The following DOCK4 variants were observed in gnomAD, a reference collection of about 807,000 sequenced individuals.
The protein encoded by DOCK4 is dedicator of cytokinesis 4, also known as dedicator of cytokinesis protein 4.
DOCK4 carries 97 observed loss-of-function variants against 268.1 expected under a neutral mutation model. That is an observed-to-expected ratio of 0.36 (90% CI 0.31 to 0.43). DOCK4 has a LOEUF of 0.43. Ranked by LOEUF, DOCK4 falls within the 20% of genes least tolerant of loss-of-function variation. The pLI is 1.00. For synonymous variants in DOCK4, 954 were observed against 887.2 expected, an observed-to-expected ratio of 1.08 and a Z score of -1.34; for missense variants, 2,145 against 2,455.7, an observed-to-expected ratio of 0.87 and a Z score of 2.67.
intron 1 of DOCK4, among the ~76,000 whole-genome samples, chr7:112,017,736 A>T (rs544249207): frequency 1.1e-3 from 170 of 152,258 alleles, no homozygotes; most frequent in Non-Finnish European, 2.2e-3. Flanking sequence ...CCAATCTCTC[A>T]ACCACACCCT....
At chr7:111,974,305 T>C (rs1797962397) in intron 8 of DOCK4, among the ~76,000 whole-genome samples, 2 of 152,132 alleles carry the variant, frequency 1.3e-5, no homozygotes, top group East Asian at 1.9e-4. Flanking sequence ...AATCTGAGGC[T>C]GTTCCAAACA....
intron 1 of DOCK4, among the ~76,000 whole-genome samples, chr7:112,033,011 T>A (rs531104655): frequency 6.6e-6 from 1 of 152,330 alleles, no homozygotes; most frequent in African/African-American, 2.4e-5. Flanking sequence ...ACTTCTGACT[T>A]CAATCACTAA....
intron 1 of DOCK4, among the ~76,000 whole-genome samples, chr7:112,089,475 C>T (rs922842853): frequency 6.6e-6 from 1 of 152,126 alleles, no homozygotes; most frequent in African/African-American, 2.4e-5. Context: ...AATGACCTTT[C>T]AAGGATATAC....
intron 1 of DOCK4, among the ~76,000 whole-genome samples, chr7:112,060,192 A>G (rs1806269088): frequency 6.6e-6 from 1 of 152,214 alleles, no homozygotes; most frequent in African/African-American, 2.4e-5. Flanking sequence ...TTAAAGGTCA[A>G]AAGCAAAATC....
chr7:111,881,548 T>C (rs562875333), intron 16 of DOCK4, among the ~76,000 whole-genome samples: 1 of 152,286 alleles, frequency 6.6e-6, no homozygotes, highest in African/African-American at 2.4e-5. Flanking sequence ...AGAGCTACCA[T>C]GTGATTTGGC....
At position 111,767,043 on chromosome 7, in the gene DOCK4, T is replaced by C; in HGVS notation, c.3904A>G (p.Ser1302Gly). 1 of 1,613,652 alleles carries C rather than the reference T, an allele frequency of 6.2e-7. No homozygotes were observed. The highest frequency in any genetic ancestry group is 8.5e-7 in the Non-Finnish European group (1 of 1,179,670). Reference protein sequence around the residue: ...YESYYDYRNLSKMRMMEASLY... With the variant: ...YESYYDYRNLGKMRMMEASLY... Reference sequence around the variant, plus strand: ...TCCAGGCACCTTACCCGCATCTTGCTCAGGTTTCTGTAGTCATAATAACTC... The same window carrying C: ...TCCAGGCACCTTACCCGCATCTTGCCCAGGTTTCTGTAGTCATAATAACTC... Residue 1302 changes from serine to glycine, a missense_variant, in exon 38 of 53, where the codon AGC (serine) becomes GGC (glycine). Physicochemically the swap from Ser to Gly is moderately conservative, Grantham distance 56 (BLOSUM62 0). Transcript: ENST00000428084.
At chr7:112,066,997 A>AC (rs1238055312) in intron 1 of DOCK4, among the ~76,000 whole-genome samples, 46 of 147,090 alleles carry the variant, frequency 3.1e-4, no homozygotes, top group African/African-American at 8.1e-4. Flanking sequence ...CACACACACA[A>AC]AAAAACCAAA....
intron 1 of DOCK4, among the ~76,000 whole-genome samples, chr7:112,066,665 A>T (rs1446663106): frequency 2.9e-5 from 1 of 34,736 alleles, no homozygotes; most frequent in Non-Finnish European, 4.6e-5. Flanking sequence ...CATATTATAC[A>T]TATACATATA....
intron 13 of DOCK4, among the ~76,000 whole-genome samples, chr7:111,912,967 C>CT (rs754624578): frequency 3.4e-3 from 485 of 141,526 alleles, no homozygotes; most frequent in African/African-American, 6.0e-3. Flanking sequence ...TAGAAATTTC[C>CT]TTTTTTTTTT....
intron 13 of DOCK4, among the ~76,000 whole-genome samples, chr7:111,913,894 CACAA>C (rs1468407674): frequency 2.0e-5 from 3 of 151,908 alleles, no homozygotes; most frequent in Non-Finnish European, 4.4e-5. Flanking sequence ...AAAAAGAAAA[CACAA>C]ACAAACAAAG....
At chr7:111,791,380 AT>A (rs967487001) in intron 30 of DOCK4, among the ~76,000 whole-genome samples, 5 of 150,622 alleles carry the variant, frequency 3.3e-5, no homozygotes, top group Non-Finnish European at 4.4e-5. Flanking sequence ...ATTACGGGTG[AT>A]TTTTTTATAT....
chr7:111,928,204 T>A (rs775284863), intron 12 of DOCK4, among the ~76,000 whole-genome samples: 6 of 152,220 alleles, frequency 3.9e-5, no homozygotes, highest in Non-Finnish European at 7.3e-5. Flanking sequence ...GAACCTAGGA[T>A]ACATGAGGAA....
At chr7:111,859,177 C>A (rs568117249) in intron 23 of DOCK4, among the ~76,000 whole-genome samples, 53 of 152,122 alleles carry the variant, frequency 3.5e-4, no homozygotes, top group Non-Finnish European at 6.0e-4. Flanking sequence ...CACCACCACA[C>A]CTGACTATTT....
intron 50 of DOCK4, 62 bp downstream of exon 50, chr7:111,736,855 G>A: frequency 7.0e-7 from 1 of 1,434,568 alleles, no homozygotes. Flanking sequence ...CAGAAGACTG[G>A]AGAACATGAG....
At chr7:111,857,437 G>A (rs1220015245) in intron 23 of DOCK4, among the ~76,000 whole-genome samples, 6 of 152,080 alleles carry the variant, frequency 3.9e-5, no homozygotes, top group Non-Finnish European at 8.8e-5. Context: ...TTAGTCTGTA[G>A]GCAAAAGCAA....
chr7:112,051,417 G>A (rs1191491190), intron 1 of DOCK4, among the ~76,000 whole-genome samples: 1 of 151,972 alleles, frequency 6.6e-6, no homozygotes, highest in East Asian at 1.9e-4. Flanking sequence ...TTTTTAGGTG[G>A]AAAATTATAA....
In DOCK4 at chr7:111,802,834, C is replaced by T. The variant is rs530655596; in HGVS notation, c.3166+5987G>A. ...CATCTAGCTTCAGTGATTATCAAGACTCTTGTCCTTCCCATTTTACCTAAT... is the reference window on the plus strand; with the variant it reads ...CATCTAGCTTCAGTGATTATCAAGATTCTTGTCCTTCCCATTTTACCTAAT... On this transcript the variant is annotated intron_variant, in intron 30 of 52. Coordinates refer to ENST00000428084, the MANE Select transcript of DOCK4 (RefSeq NM_001363540.2). Among the ~76,000 whole-genome samples, 10 of 152,204 alleles carry T rather than the reference C, an allele frequency of 6.6e-5. No individual in the cohort carries two copies. In the South Asian group the frequency reaches 1.7e-3, roughly 25 times the overall value.
intron 15 of DOCK4, among the ~76,000 whole-genome samples, chr7:111,898,903 T>C (rs1790890531): frequency 6.6e-6 from 1 of 152,186 alleles, no homozygotes; most frequent in Non-Finnish European, 1.5e-5. Flanking sequence ...ATTCGAATAA[T>C]TACCTCCAAA....
At chr7:111,803,725 G>T (rs899272769) in intron 30 of DOCK4, among the ~76,000 whole-genome samples, 3 of 152,102 alleles carry the variant, frequency 2.0e-5, no homozygotes, top group African/African-American at 7.2e-5. Context: ...TAAAGTTTTG[G>T]GGGAAAATAT....
Sources: allele counts gnomAD v4.1 joint callset (sites outside exome capture counted in the v4.1 genomes callset), GRCh38; gene constraint gnomAD v4.1.1; transcripts MANE v1.5; gene names NCBI Gene and HGNC (gene_info 2026-07-23, HGNC 2026-07-21).